TSPAN9: variants seen among roughly 807,000 people sequenced by gnomAD.
TSPAN9 encodes the protein tetraspanin 9.
In TSPAN9, 16 loss-of-function variants were observed where a neutral mutation model predicts 31.0. The observed-to-expected ratio is 0.52, with a 90% confidence interval of 0.35 to 0.78. The LOEUF (loss-of-function observed/expected upper bound fraction) is 0.78. Ranked by LOEUF, TSPAN9 falls within the 30% of genes least tolerant of loss-of-function variation. TSPAN9 has a pLI of 0.01. For synonymous variants in TSPAN9, 145 were observed against 121.6 expected, an observed-to-expected ratio of 1.19 and a Z score of -1.27; for missense variants, 272 against 312.5, an observed-to-expected ratio of 0.87 and a Z score of 0.98.
intron 3 of TSPAN9, among the ~76,000 whole-genome samples, chr12:3,226,771 TATATATATATATATATA>T (rs2098387853): frequency 1.4e-3 from 7 of 5,160 alleles, no homozygotes; most frequent in East Asian, 8.6e-3. Context: ...TATATATATA[TATATATATATATATATA>T]TATATATTTT....
rs1235392946 is a variant in TSPAN9 at position 3,283,083 on chromosome 12, C to T, written c.687C>T (p.His229=). ...GMAFSMTLFQ[H]IHRTGKKYDA is the part of the protein sequence containing the mutation. ...CCTTCTCCATGACCCTCTTCCAGCA[C>T]ATCCACCGGACTGGTAAGAAGTACG... The change falls in exon 9 of 9, where the codon CAC becomes CAT. Residue 229 remains histidine, a synonymous_variant. Coordinates refer to ENST00000011898, the MANE Select transcript of TSPAN9 (RefSeq NM_006675.5). 10 of 1,609,664 alleles carry T rather than the reference C, an allele frequency of 6.2e-6. No individual in the cohort carries two copies. Among genetic ancestry groups the T allele is most frequent in the Admixed American group, 1.7e-5 (1 of 60,002 alleles).
At chr12:3,240,750 C>G (rs1044126203) in intron 3 of TSPAN9, among the ~76,000 whole-genome samples, 1 of 152,172 alleles carries the variant, frequency 6.6e-6, no homozygotes, top group Non-Finnish European at 1.5e-5. Flanking sequence ...ATAATATGAA[C>G]TTCTGTGATT....
intron 3 of TSPAN9, among the ~76,000 whole-genome samples, chr12:3,269,409 TCC>T: frequency 4.5e-5 from 5 of 111,858 alleles, no homozygotes; most frequent in Non-Finnish European, 7.4e-5. Flanking sequence ...CAGCCTGCCC[TCC>T]CTGTGTTCCT....
At chr12:3,155,848 CT>C (rs1437165457) in intron 2 of TSPAN9, among the ~76,000 whole-genome samples, 2 of 152,182 alleles carry the variant, frequency 1.3e-5, no homozygotes, top group Admixed American at 6.5e-5. Flanking sequence ...CCAGGGCCCC[CT>C]CTTCCTCCCC....
At chr12:3,109,307 A>AGTGT (rs1555141854) in intron 2 of TSPAN9, among the ~76,000 whole-genome samples, 26 of 143,320 alleles carry the variant, frequency 1.8e-4, no homozygotes, top group Non-Finnish European at 2.5e-4. Flanking sequence ...TGTGAGAGAG[A>AGTGT]GTGTGTGTGT....
intron 2 of TSPAN9, among the ~76,000 whole-genome samples, chr12:3,195,953 A>T (rs979138228): frequency 1.3e-5 from 2 of 152,168 alleles, no homozygotes; most frequent in Non-Finnish European, 2.9e-5. Context: ...TGCTCTGTGC[A>T]TCAGTCTGCT....
At chr12:3,156,378 G>A (rs1397225212) in intron 2 of TSPAN9, among the ~76,000 whole-genome samples, 1 of 152,238 alleles carries the variant, frequency 6.6e-6, no homozygotes, top group Non-Finnish European at 1.5e-5. Flanking sequence ...AGGGGCAGCA[G>A]GTGGGGAGTC....
At chr12:3,212,713 C>A (rs1376529812) in intron 3 of TSPAN9, among the ~76,000 whole-genome samples, 1 of 152,166 alleles carries the variant, frequency 6.6e-6, no homozygotes, top group Non-Finnish European at 1.5e-5. Context: ...AGCTAGTCTT[C>A]TAGTGGGTGC....
chr12:3,131,930 C>T (rs1033603039), intron 2 of TSPAN9, among the ~76,000 whole-genome samples: 5 of 152,116 alleles, frequency 3.3e-5, no homozygotes, highest in African/African-American at 9.7e-5. Context: ...TACCTGTGAC[C>T]CCCCAGGCCT....
At chr12:3,183,372 A>C (rs2098359451) in intron 2 of TSPAN9, among the ~76,000 whole-genome samples, 1 of 152,226 alleles carries the variant, frequency 6.6e-6, no homozygotes, top group Non-Finnish European at 1.5e-5. Context: ...AGTTCTTGAC[A>C]GAAATGTGTA....
intron 2 of TSPAN9, among the ~76,000 whole-genome samples, chr12:3,102,076 A>C (rs997343207): frequency 4.6e-5 from 7 of 151,498 alleles, no homozygotes; most frequent in Non-Finnish European, 8.8e-5. Context: ...TGCTGGCAGA[A>C]CTCTTGAGAG....
intron 2 of TSPAN9, among the ~76,000 whole-genome samples, chr12:3,087,291 G>A (rs1395059706): frequency 7.2e-5 from 11 of 152,118 alleles, no homozygotes; most frequent in African/African-American, 2.2e-4. Flanking sequence ...AGGCCAAGGC[G>A]GGAGCATTGC....
intron 3 of TSPAN9, among the ~76,000 whole-genome samples, chr12:3,229,864 C>T (rs569395225): frequency 2.1e-4 from 32 of 152,318 alleles, no homozygotes; most frequent in African/African-American, 4.3e-4. Context: ...CACCAGCTTC[C>T]GTTGCATAGA....
At chr12:3,101,323 T>C (rs1473201551) in intron 2 of TSPAN9, among the ~76,000 whole-genome samples, 1 of 152,048 alleles carries the variant, frequency 6.6e-6, no homozygotes, top group African/African-American at 2.4e-5. Context: ...AGCAGAGAAA[T>C]GGGTACCTTG....
At chr12:3,198,730 C>CCAGCACCAT (rs2098369155) in intron 2 of TSPAN9, among the ~76,000 whole-genome samples, 4 of 8,908 alleles carry the variant, frequency 4.5e-4, no homozygotes, top group African/African-American at 8.0e-4. Flanking sequence ...CAGCTCACCA[C>CCAGCACCAT]CAGCACAGGC....
chr12:3,278,566 T>G lies in TSPAN9; in HGVS notation c.209T>G (p.Leu70Arg). 2 of 1,614,172 alleles carry G rather than the reference T, an allele frequency of 1.2e-6. No homozygotes were observed. Among genetic ancestry groups the G allele is most frequent in the Non-Finnish European group, 1.7e-6 (2 of 1,180,026 alleles). Residue 70 changes from leucine (L) to arginine (R), a missense_variant, in exon 4 of 9, where the codon CTC becomes CGC. By Grantham distance (102) the Leu-to-Arg change is moderately radical. Coordinates refer to ENST00000011898, the MANE Select transcript of TSPAN9 (RefSeq NM_006675.5). ...ACCATTGTCATGGTGACGGGCTTCC[T>G]CGGCTGCCTGGGGGCCATCAAGGAA... ...IGTIVMVTGF[L>R]GCLGAIKENK...
Position 3,283,055 on chromosome 12 carries a change from T to C in TSPAN9, c.659T>C (p.Met220Thr), listed in dbSNP as rs746762011. The change falls in exon 9 of 9, where the codon ATG becomes ACG. Residue 220 changes from methionine (M) to threonine (T), a missense_variant. Transcript: ENST00000011898. ...CCCCGTGTCTTTCAGATCCTGGGCA[T>C]GGCCTTCTCCATGACCCTCTTCCAG... ...MCILIMQILG[M>T]AFSMTLFQHI... is the part of the protein sequence containing the mutation. The C allele has an allele frequency of 6.2e-7, 1 of 1,608,872 alleles. No homozygotes were observed. Among genetic ancestry groups the C allele is most frequent in the South Asian group, 1.1e-5 (1 of 91,064 alleles).
At chr12:3,124,512 A>G (rs1248952639) in intron 2 of TSPAN9, among the ~76,000 whole-genome samples, 4 of 151,820 alleles carry the variant, frequency 2.6e-5, no homozygotes, top group Non-Finnish European at 5.9e-5. Context: ...GGTTCAAGCA[A>G]TTCTCCTGCC....
At chr12:3,146,227 G>A (rs2098337172) in intron 2 of TSPAN9, among the ~76,000 whole-genome samples, 1 of 152,222 alleles carries the variant, frequency 6.6e-6, no homozygotes, top group Admixed American at 6.5e-5. Context: ...GTGGTCAATG[G>A]CAAAGGGGCA....
Sources: allele counts gnomAD v4.1 joint callset (sites outside exome capture counted in the v4.1 genomes callset), GRCh38; gene constraint gnomAD v4.1.1; transcripts MANE v1.5; gene names NCBI Gene and HGNC (gene_info 2026-07-23, HGNC 2026-07-21).